The following P2RY6 variants were observed in gnomAD, a reference collection of about 807,000 sequenced individuals.
The protein encoded by P2RY6 is P2Y purinoceptor 6.
A neutral mutation model predicts 16.3 loss-of-function variants in P2RY6; 19 were observed. The ratio of observed to expected loss-of-function variants is 1.16; its 90% CI spans 0.81 to 1.71. P2RY6 has a LOEUF of 1.71. Among genes scored for constraint, P2RY6 ranks in the 40% most tolerant of loss-of-function variants. P2RY6 has a pLI of 0.00. For missense variants in P2RY6, 389 were observed against 455.5 expected (o/e 0.85, Z 1.33); for synonymous variants, 184 against 201.5 (o/e 0.91, Z 0.74).
chr11:73,297,054 A>C lies in P2RY6; in HGVS notation c.536A>C (p.Asp179Ala). 6.2e-7 allele frequency: 1 copy of C among 1,600,990 alleles called. No individual in the cohort carries two copies. Among genetic ancestry groups the C allele is most frequent in the Non-Finnish European group, 8.5e-7 (1 of 1,179,918 alleles). ...CAGCGTAACCGCACTGTCTGCTATG[A>C]CCTCAGCCCGCCTGCCCTGGCCACC... is the stretch of plus-strand genomic sequence containing the variant. ...GIQRNRTVCY[D>A]LSPPALATHY... is the part of the protein sequence containing the mutation. Residue 179 changes from aspartate to alanine, a missense_variant, in exon 3 of 3, where the codon GAC becomes GCC. Asp to Ala is a moderately radical substitution (Grantham distance 126). Coordinates refer to ENST00000540124, the MANE Select transcript of P2RY6 (RefSeq NM_001277204.2).
At chr11:73,285,931 C>T (rs556133239) in intron 1 of P2RY6, among the ~76,000 whole-genome samples, 1 of 152,178 alleles carries the variant, frequency 6.6e-6, no homozygotes, top group Non-Finnish European at 1.5e-5. Context: ...GCAAGCTGGA[C>T]TGGTGTGGGA....
chr11:73,280,996 A>T (rs1863738919), intron 1 of P2RY6, among the ~76,000 whole-genome samples: 1 of 152,050 alleles, frequency 6.6e-6, no homozygotes, highest in Non-Finnish European at 1.5e-5. Flanking sequence ...CATGAGAAGG[A>T]TGTGGTCTAG....
intron 1 of P2RY6, among the ~76,000 whole-genome samples, chr11:73,276,963 CT>C (rs1863563592): frequency 6.6e-6 from 1 of 152,130 alleles, no homozygotes. Context: ...GAAAGGGAAA[CT>C]TCACTGTGAG....
intron 1 of P2RY6, among the ~76,000 whole-genome samples, chr11:73,280,227 C>G (rs1217860079): frequency 6.6e-6 from 1 of 152,188 alleles, no homozygotes; most frequent in Admixed American, 6.5e-5. Context: ...ATTCTTTCTT[C>G]CTGTGCTACC....
intron 1 of P2RY6, chr11:73,292,973 TG>T (rs552825620): frequency 2.4e-3 from 99 of 41,220 alleles, no homozygotes; most frequent in African/African-American, 6.3e-3. Context: ...TTGCGGGGGG[TG>T]GGGGGGGGAG....
chr11:73,290,362 AGAAG>A (rs879875338), intron 1 of P2RY6, among the ~76,000 whole-genome samples: 2,150 of 105,676 alleles, frequency 0.02, 33 homozygotes, highest in African/African-American at 0.047. Flanking sequence ...AAAGAAAGAA[AGAAG>A]GAAAGAAAGA....
chr11:73,270,422 C>CG (rs1047941755), upstream of P2RY6, among the ~76,000 whole-genome samples: 1 of 152,078 alleles, frequency 6.6e-6, no homozygotes, highest in Non-Finnish European at 1.5e-5. Flanking sequence ...CAGGAGCTGA[C>CG]GGGGGGCACA....
At chr11:73,279,799 T>G (rs1863684463) in intron 1 of P2RY6, among the ~76,000 whole-genome samples, 1 of 152,132 alleles carries the variant, frequency 6.6e-6, no homozygotes. Context: ...CCACCTTGAA[T>G]GAAGAAAATT....
intron 1 of P2RY6, among the ~76,000 whole-genome samples, chr11:73,288,330 G>A (rs1437824514): frequency 6.6e-6 from 1 of 152,206 alleles, no homozygotes; most frequent in Non-Finnish European, 1.5e-5. Flanking sequence ...AAAGGAAGCA[G>A]CCCCAACCCT....
intron 1 of P2RY6, among the ~76,000 whole-genome samples, chr11:73,274,913 C>T (rs1014441473): frequency 3.3e-5 from 5 of 152,266 alleles, no homozygotes; most frequent in African/African-American, 7.2e-5. Context: ...GGTGGGGATC[C>T]GGCAGCCCAG....
chr11:73,291,762 A>G lies in P2RY6; in HGVS notation c.-120-3968A>G, dbSNP rs577106262. On this transcript the variant is annotated intron_variant, in intron 1 of 2. Coordinates refer to ENST00000540124, the MANE Select transcript of P2RY6 (RefSeq NM_001277204.2). ...CCAGGGTAGAAGATGAGCCACCCTGAGTGGCACTTCATCCTCCCAGCACAC... is the reference window on the plus strand; with the variant it reads ...CCAGGGTAGAAGATGAGCCACCCTGGGTGGCACTTCATCCTCCCAGCACAC... Among the ~76,000 whole-genome samples the G allele has an allele frequency of 2.6e-5, 4 of 152,304 alleles. No homozygotes were observed. In the East Asian group the frequency reaches 5.8e-4, roughly 22 times the overall value.
At chr11:73,283,492 A>C (rs1205638921) in intron 1 of P2RY6, among the ~76,000 whole-genome samples, 2 of 152,126 alleles carry the variant, frequency 1.3e-5, no homozygotes, top group Non-Finnish European at 2.9e-5. Context: ...CTAGCCCTGC[A>C]CCAGCCCTGG....
chr11:73,293,575 T>TTGAG (rs1864358747), intron 1 of P2RY6, among the ~76,000 whole-genome samples: 1 of 152,146 alleles, frequency 6.6e-6, no homozygotes, highest in African/African-American at 2.4e-5. Context: ...AAGAGCACCC[T>TTGAG]CCTTGAGGCC....
chr11:73,275,199 C>T (rs111624767), intron 1 of P2RY6, among the ~76,000 whole-genome samples: 4 of 152,130 alleles, frequency 2.6e-5, no homozygotes, highest in African/African-American at 7.2e-5. Flanking sequence ...GTACTGAGCT[C>T]CAGGAAGACG....
At chr11:73,279,045 T>C (rs899466306) in intron 1 of P2RY6, among the ~76,000 whole-genome samples, 3 of 145,996 alleles carry the variant, frequency 2.1e-5, no homozygotes, top group African/African-American at 7.5e-5. Context: ...AGGTTGGCCT[T>C]TTTTTTTTTT....
intron 1 of P2RY6, among the ~76,000 whole-genome samples, chr11:73,288,176 G>A (rs7127013): frequency 0.12 from 18,201 of 152,224 alleles, 1,180 homozygotes; most frequent in Middle Eastern, 0.16. Flanking sequence ...TTGGTGCATC[G>A]TTAGTGCTCA....
chr11:73,291,173 G>A (rs532517263), intron 1 of P2RY6, among the ~76,000 whole-genome samples: 74 of 152,296 alleles, frequency 4.9e-4, no homozygotes, highest in Admixed American at 3.7e-3. Flanking sequence ...TGAGCAGAGC[G>A]GTGGGATTAG....
chr11:73,292,795 C>T (rs1565172433), intron 1 of P2RY6: 2 of 985,338 alleles, frequency 2.0e-6, no homozygotes, highest in East Asian at 2.3e-4. Flanking sequence ...ACAGAGGAAG[C>T]TGCTCACTCT....
intron 1 of P2RY6, among the ~76,000 whole-genome samples, chr11:73,275,908 G>A (rs1472233494): frequency 2.0e-5 from 3 of 152,158 alleles, no homozygotes; most frequent in Non-Finnish European, 4.4e-5. Context: ...AACACCAAGA[G>A]CGGTTAATAC....
Sources: gnomAD v4.1 joint callset for allele counts (sites outside exome capture counted in the v4.1 genomes callset) on GRCh38, gnomAD v4.1.1 for gene constraint, MANE v1.5 for transcripts, NCBI Gene and HGNC (gene_info 2026-07-23, HGNC 2026-07-21) for gene names.